The following MTCH2 variants were observed in gnomAD, a reference collection of about 807,000 sequenced individuals.
MTCH2 encodes mitochondrial carrier homolog 2.
Under a neutral mutation model 50.6 loss-of-function variants are expected in MTCH2, and 25 were observed. That is an observed-to-expected ratio of 0.49 (90% CI 0.36 to 0.69). MTCH2 has a LOEUF of 0.69. MTCH2 is among the 30% of genes least tolerant of loss of function. The pLI is 0.00. For synonymous variants in MTCH2, 106 were observed against 132.0 expected (o/e 0.80, Z 1.35); for missense variants, 273 against 384.4 (o/e 0.71, Z 2.42).
At chr11:47,638,597 G>A in intron 3 of MTCH2, 102 bp downstream of exon 3, 3 of 684,224 alleles carry the variant, frequency 4.4e-6, no homozygotes, top group South Asian at 4.7e-5. Flanking sequence ...AGAAAGGACA[G>A]GGTTATAAAT....
the MTCH2 span, among the ~76,000 whole-genome samples, chr11:47,605,378 C>T: frequency 0.027 from 4,120 of 152,236 alleles, 67 homozygotes; most frequent in Non-Finnish European, 0.037. Flanking sequence ...TCTCAGGCAC[C>T]TCTGGCAAAC....
intron 6 of MTCH2, among the ~76,000 whole-genome samples, chr11:47,631,434 A>G (rs534760579): frequency 6.6e-6 from 1 of 152,228 alleles, no homozygotes; most frequent in Non-Finnish European, 1.5e-5. Flanking sequence ...AACAAACAAA[A>G]AAAAACTATG....
chr11:47,614,616 C>T (rs568006669), downstream of MTCH2, among the ~76,000 whole-genome samples: 4 of 152,158 alleles, frequency 2.6e-5, no homozygotes, highest in South Asian at 8.3e-4. Context: ...CAGTCTTGCT[C>T]TGTTGCCCAG....
At chr11:47,636,396 T>C (rs975153435) in intron 3 of MTCH2, among the ~76,000 whole-genome samples, 11 of 151,104 alleles carry the variant, frequency 7.3e-5, no homozygotes, top group South Asian at 2.1e-4. Context: ...ATCACATCAC[T>C]GCACTCCAGC....
rs1304261101 is a variant in MTCH2 at position 47,631,052 on chromosome 11, T to C, written c.463A>G (p.Arg155Gly). ...AATACTTACCAGTACTTGGATTCTCTGCCAATGAACTGTACCATAGATCTC... is the reference window on the plus strand; with the variant it reads ...AATACTTACCAGTACTTGGATTCTCCGCCAATGAACTGTACCATAGATCTC... Reference protein sequence around the residue: ...TLRSMVQFIGRESKYCGLCDS... With the variant: ...TLRSMVQFIGGESKYCGLCDS... The change falls in exon 7 of 13, where the codon AGA becomes GGA. Residue 155 changes from arginine (R) to glycine (G), a missense_variant. This residue lies in a region of MTCH2 where 203 missense variants were observed against 244.3 expected (regional missense o/e 0.83). Coordinates refer to ENST00000302503, the MANE Select transcript of MTCH2 (RefSeq NM_014342.4). 3.1e-6 allele frequency: 5 copies of C among 1,612,854 alleles called. No homozygotes were observed. Among genetic ancestry groups the C allele is most frequent in the Non-Finnish European group, 4.2e-6 (5 of 1,178,868 alleles).
chr11:47,635,458 A>G, intron 4 of MTCH2, 87 bp downstream of exon 4: 1 of 1,417,632 alleles, frequency 7.1e-7, no homozygotes, highest in Non-Finnish European at 1.0e-6. Context: ...GAGACTGACT[A>G]CTTGGCTTTT....
At position 47,625,698 on chromosome 11, in the gene MTCH2, T is replaced by C. The variant is rs544100641; in HGVS notation, c.725A>G (p.Asn242Ser). ...MLTYPFVLVSNLMAVNNCGLA... is the reference protein window; with the variant it reads ...MLTYPFVLVSSLMAVNNCGLA... ...CCCACAGTTGTTGACAGCCATAAGA[T>C]TGGAGACAAGCACAAAGGGATAGGT... is the stretch of plus-strand genomic sequence containing the variant. The change falls in exon 11 of 13, where the codon AAT becomes AGT. Residue 242 changes from asparagine (N) to serine (S), a missense_variant. This residue lies in a region of MTCH2 where 70 missense variants were observed against 140.1 expected (regional missense o/e 0.50). Coordinates refer to ENST00000302503, the MANE Select transcript of MTCH2 (RefSeq NM_014342.4). 4.2e-5 allele frequency: 68 copies of C among 1,613,276 alleles called. No homozygotes were observed. The highest frequency in any genetic ancestry group is 6.6e-5 in the South Asian group (6 of 91,056).
At chr11:47,626,055 C>T (rs946205595) in intron 10 of MTCH2, among the ~76,000 whole-genome samples, 7 of 151,682 alleles carry the variant, frequency 4.6e-5, no homozygotes, top group Admixed American at 3.3e-4. Context: ...TTGTTGCCCA[C>T]GCTGGAGTGT....
chr11:47,633,526 A>ATTTT (rs869251946), intron 5 of MTCH2, among the ~76,000 whole-genome samples: 6 of 35,078 alleles, frequency 1.7e-4, no homozygotes, highest in East Asian at 9.7e-4. Context: ...ATATATATAT[A>ATTTT]TTTTTTTTTT....
At chr11:47,609,034 A>C in the MTCH2 span, among the ~76,000 whole-genome samples, 19 of 143,696 alleles carry the variant, frequency 1.3e-4, no homozygotes, top group African/African-American at 4.9e-4. Context: ...CTGAGGCAGG[A>C]GAATCCTTGA....
intron 5 of MTCH2, among the ~76,000 whole-genome samples, chr11:47,632,839 C>T (rs7119578): frequency 0.98 from 149,546 of 151,948 alleles, 73,619 homozygotes; most frequent in East Asian, 1. Context: ...GCTGGGATTA[C>T]AGGCACACAC....
chr11:47,631,107 G>T lies in MTCH2; in HGVS notation c.428-20C>A, dbSNP rs1194866981. On this transcript the variant is annotated intron_variant, in intron 6 of 12. Coordinates refer to ENST00000302503, the MANE Select transcript of MTCH2 (RefSeq NM_014342.4). Reference sequence around the variant, plus strand: ...TGATCACTGTGGAATATAGAGAAAAGATGTTTACAACTATGTTAAGGCCAG... The same window carrying T: ...TGATCACTGTGGAATATAGAGAAAATATGTTTACAACTATGTTAAGGCCAG... The T allele has an allele frequency of 6.2e-7, 1 of 1,607,644 alleles. No individual in the cohort carries two copies. The highest frequency in any genetic ancestry group is 8.5e-7 in the Non-Finnish European group (1 of 1,174,872).
Position 47,642,449 on chromosome 11 carries a change from C to A in MTCH2, c.17G>T (p.Ser6Ile), listed in dbSNP as rs764869988. 1.9e-6 allele frequency: 3 copies of A among 1,595,950 alleles called. No individual in the cohort carries two copies. The Admixed American group carries it at 5.2e-5, about 28-fold the overall frequency. The change falls in exon 1 of 13, where the codon AGT becomes ATT. Residue 6 changes from serine to isoleucine, a missense_variant. By Grantham distance (142) the Ser-to-Ile change is moderately radical (BLOSUM62 -2). Coordinates refer to ENST00000302503, the MANE Select transcript of MTCH2 (RefSeq NM_014342.4). The part of the protein sequence containing the change: MADAA[S>I]QVLLGSGLTI... ...GAGACCGGAGCCCAGGAGCACCTGACTGGCCGCGTCCGCCATGATGGCACC... is the reference window on the plus strand; with the variant it reads ...GAGACCGGAGCCCAGGAGCACCTGAATGGCCGCGTCCGCCATGATGGCACC...
intron 4 of MTCH2, 35 bp from the exon 5 acceptor site, chr11:47,634,769 A>ATTTTTTTTTTTTTT: frequency 1.4e-6 from 1 of 739,352 alleles, no homozygotes; most frequent in East Asian, 4.2e-5. Flanking sequence ...AGAGATCTTG[A>ATTTTTTTTTTTTTT]TTTTTTTTTT....
At chr11:47,619,023 G>C (rs1168037006) in intron 12 of MTCH2, 104 bp from the exon 13 acceptor site, 2 of 951,506 alleles carry the variant, frequency 2.1e-6, no homozygotes, top group Non-Finnish European at 1.7e-6. Context: ...CTAAATCTAG[G>C]ACAAAACTGG....
At chr11:47,608,658 C>T in the MTCH2 span, among the ~76,000 whole-genome samples, 4 of 152,014 alleles carry the variant, frequency 2.6e-5, no homozygotes, top group Non-Finnish European at 5.9e-5. Flanking sequence ...GGATTAAAGA[C>T]GCTAGGTCAA....
chr11:47,629,040 A>G lies in MTCH2; in HGVS notation c.546T>C (p.Leu182=). The G allele has an allele frequency of 6.2e-7, 1 of 1,613,284 alleles. No individual in the cohort carries two copies. Among genetic ancestry groups the G allele is most frequent in the South Asian group, 1.1e-5 (1 of 91,004 alleles). Residue 182 remains leucine (L), a synonymous_variant, in exon 9 of 13, where the codon CTT becomes CTC. Coordinates refer to ENST00000302503, the MANE Select transcript of MTCH2 (RefSeq NM_014342.4). Reference sequence around the variant, plus strand: ...GGATGTCACCTAGAAGGCGAGGAACAAGACCCCTACATGAAGAAACAATAA... The same window carrying G: ...GGATGTCACCTAGAAGGCGAGGAACGAGACCCCTACATGAAGAAACAATAA... ...EEGILGFFAG[L]VPRLLGDILS...
intron 5 of MTCH2, 86 bp from the exon 6 acceptor site, chr11:47,631,797 A>G: frequency 2.1e-6 from 3 of 1,435,136 alleles, no homozygotes; most frequent in South Asian, 1.2e-5. Context: ...ATATCGTGGT[A>G]TAGGATAAGA....
chr11:47,613,497 AC>A (rs1466232393), downstream of MTCH2, among the ~76,000 whole-genome samples: 3 of 152,198 alleles, frequency 2.0e-5, no homozygotes, highest in East Asian at 5.8e-4. Flanking sequence ...AAGAAATGTT[AC>A]CAGCCAAATG....
Sources: allele counts gnomAD v4.1 joint callset (sites outside exome capture counted in the v4.1 genomes callset), GRCh38; gene constraint gnomAD v4.1.1; regional missense constraint gnomAD v4.1.1; transcripts MANE v1.5; gene names NCBI Gene and HGNC (gene_info 2026-07-23, HGNC 2026-07-21).